LEMD1: variants seen among roughly 807,000 people sequenced by gnomAD.
LEMD1 encodes LEM domain containing 1, also known as LEM domain-containing protein 1.
Under a neutral mutation model 17.4 loss-of-function variants are expected in LEMD1, and 18 were observed. The ratio of observed to expected loss-of-function variants is 1.04; its 90% CI spans 0.72 to 1.54. The LOEUF is 1.54. LEMD1 is among the 40% of genes most tolerant of loss of function. LEMD1 has a pLI of 0.00. For synonymous variants in LEMD1, 88 were observed against 77.8 expected (o/e 1.13, Z -0.69); for missense variants, 195 against 210.4 (o/e 0.93, Z 0.45).
upstream of LEMD1, among the ~76,000 whole-genome samples, chr1:205,423,043 G>A (rs1250208836): frequency 6.6e-6 from 1 of 152,180 alleles, no homozygotes; most frequent in Non-Finnish European, 1.5e-5. Context: ...TTCTACTCAT[G>A]AGCCCTAGCC....
chr1:205,443,630 G>A (rs1666333813), intron 1 of LEMD1, among the ~76,000 whole-genome samples: 1 of 152,104 alleles, frequency 6.6e-6, no homozygotes, highest in Non-Finnish European at 1.5e-5. Flanking sequence ...TCATAAACAG[G>A]GCCTGGTTAT....
At chr1:205,411,771 G>A (rs1665465506) in intron 4 of LEMD1, among the ~76,000 whole-genome samples, 1 of 152,248 alleles carries the variant, frequency 6.6e-6, no homozygotes, top group South Asian at 2.1e-4. Context: ...CCCACAGAAT[G>A]TGCAGGATGG....
At chr1:205,437,008 A>T (rs1666220079) in intron 1 of LEMD1, 1 of 152,514 alleles carries the variant, frequency 6.6e-6, no homozygotes, top group African/African-American at 2.4e-5. Context: ...GTCAGGAGTC[A>T]GTCATGGCAG....
rs560133268 is a variant in LEMD1, at chr1:205,429,610, G to C, written c.-38-9036C>G. On this transcript the variant is annotated intron_variant, in intron 1 of 3. Transcript: ENST00000367154. Reference sequence around the variant, plus strand: ...AAGATGGCCTGTGGAGATAGCCGGGGTTGGGGGAGGAAGAGACCCCCAAAT... The same window carrying C: ...AAGATGGCCTGTGGAGATAGCCGGGCTTGGGGGAGGAAGAGACCCCCAAAT... Among the ~76,000 whole-genome samples, 3 of 152,308 alleles carry C rather than the reference G, an allele frequency of 2.0e-5. No homozygotes were observed. In the East Asian group the frequency reaches 5.8e-4, roughly 29 times the overall value.
intron 1 of LEMD1, among the ~76,000 whole-genome samples, chr1:205,440,159 A>G (rs1204539135): frequency 6.6e-6 from 1 of 152,210 alleles, no homozygotes; most frequent in African/African-American, 2.4e-5. Flanking sequence ...GGCCACGGCA[A>G]GACAGTCCCT....
chr1:205,399,071 C>G (rs529980761), intron 4 of LEMD1, among the ~76,000 whole-genome samples: 1 of 151,826 alleles, frequency 6.6e-6, no homozygotes, highest in African/African-American at 2.4e-5. Context: ...AAAAATTAGC[C>G]GAGTGTGGTG....
At chr1:205,394,640 C>T (rs931551542) in intron 4 of LEMD1, among the ~76,000 whole-genome samples, 16 of 152,122 alleles carry the variant, frequency 1.1e-4, no homozygotes, top group Admixed American at 5.9e-4. Context: ...CCGCCTTGGC[C>T]TCCCAAAGTG....
Position 205,383,970 on chromosome 1 carries a change from T to A in LEMD1, c.347+318A>T, listed in dbSNP as rs567183618. 7.5e-5 allele frequency among the ~76,000 whole-genome samples: 11 copies of A among 147,056 alleles called. No individual in the cohort carries two copies. The East Asian group carries it at 8.1e-4, about 11-fold the overall frequency. The stretch of plus-strand genomic sequence containing the variant: ...TTACATTTTTTTTTTTTTTTTTGCC[T>A]CTTGCCCACCTTCCAAGGCACAAAT... On this transcript the variant is annotated intron_variant, in intron 5 of 5. Coordinates refer to ENST00000367153, the MANE Select transcript of LEMD1 (RefSeq NM_001199050.2).
chr1:205,426,326 T>C (rs545332880), upstream of LEMD1, among the ~76,000 whole-genome samples: 1 of 152,256 alleles, frequency 6.6e-6, no homozygotes, highest in Non-Finnish European at 1.5e-5. Flanking sequence ...TAGATAAACA[T>C]GTAAGATGTA....
intron 4 of LEMD1, among the ~76,000 whole-genome samples, chr1:205,408,328 T>TACAC (rs34904075): frequency 0.29 from 42,779 of 148,690 alleles, 6,095 homozygotes; most frequent in African/African-American, 0.32. Flanking sequence ...AATGGTAGGG[T>TACAC]ACACACACAC....
rs1324059628 is a variant in LEMD1 at position 205,416,263 on chromosome 1, A to G, written c.239T>C (p.Leu80Pro). The change falls in exon 4 of 6, where the codon CTC (leucine) becomes CCC (proline). Residue 80 changes from leucine to proline, a missense_variant. Leu to Pro is a moderately conservative substitution (Grantham distance 98). Transcript: ENST00000367153. ...LNIILQGNII[L>P]STEKSKKLKK... is the part of the protein sequence containing the mutation. Reference sequence around the variant, plus strand: ...GAGTTTCTTGCTTTTTTCTGTTGAGAGTATGATATTTCCTTGCAAAATGAT... The same window carrying G: ...GAGTTTCTTGCTTTTTTCTGTTGAGGGTATGATATTTCCTTGCAAAATGAT... 4 of 1,548,582 alleles carry G rather than the reference A, an allele frequency of 2.6e-6. No individual in the cohort carries two copies. The Admixed American group carries it at 7.9e-5, about 30-fold the overall frequency.
intron 4 of LEMD1, among the ~76,000 whole-genome samples, chr1:205,395,649 A>G (rs1321934857): frequency 6.6e-6 from 1 of 152,064 alleles, no homozygotes; most frequent in Non-Finnish European, 1.5e-5. Flanking sequence ...TAAAAACTAC[A>G]AATATTAGCA....
chr1:205,393,707 G>A (rs1392859435), intron 4 of LEMD1, among the ~76,000 whole-genome samples: 1 of 151,834 alleles, frequency 6.6e-6, no homozygotes, highest in Non-Finnish European at 1.5e-5. Flanking sequence ...GCAAGTGTTA[G>A]CAAGGATGTG....
rs1049497467 is a variant in LEMD1 at position 205,441,193 on chromosome 1, G to C, written c.-39+8675C>G. On this transcript the variant is annotated intron_variant, in intron 1 of 3. Coordinates refer to the LEMD1 transcript ENST00000367154. The surrounding 1 kb of genome is among the most constrained non-coding windows in gnomAD (Gnocchi z 4.3). ...GCCACTCCCTGAGGCGGCCCGCTAG[G>C]TCTCTCACACCGGCTGGGGGAGGAG... is the stretch of plus-strand genomic sequence containing the variant. The C allele has an allele frequency of 6.6e-6, 1 of 152,242 alleles. No individual in the cohort carries two copies. The highest frequency in any genetic ancestry group is 1.5e-5 in the Non-Finnish European group (1 of 68,148). 9.4% of individuals were successfully genotyped at this position (152,242 alleles called of 1,614,324 possible). A position where few individuals can be genotyped will look rare whatever the true frequency, so the allele number is the denominator to read the frequency against.
chr1:205,438,585 G>C (rs1666244979), intron 1 of LEMD1, among the ~76,000 whole-genome samples: 1 of 152,230 alleles, frequency 6.6e-6, no homozygotes, highest in Non-Finnish European at 1.5e-5. Context: ...AGGAAACTGA[G>C]GGACAATAGA....
At chr1:205,414,674 T>C (rs530521083) in intron 4 of LEMD1, among the ~76,000 whole-genome samples, 2 of 152,236 alleles carry the variant, frequency 1.3e-5, no homozygotes, top group South Asian at 4.2e-4. Context: ...TCCTTCCACC[T>C]TGGCCTCCTA....
At chr1:205,387,920 C>A (rs1162451906) in intron 4 of LEMD1, among the ~76,000 whole-genome samples, 1 of 152,256 alleles carries the variant, frequency 6.6e-6, no homozygotes, top group Non-Finnish European at 1.5e-5. Context: ...CCATTCTAAG[C>A]ATTTTACATC....
At chr1:205,381,885 T>C (rs745656736) in intron 5 of LEMD1, 29 bp from the exon 6 acceptor site, 128 of 1,609,832 alleles carry the variant, frequency 8.0e-5, no homozygotes, top group Non-Finnish European at 1.1e-4. Flanking sequence ...CTCTTAGGAT[T>C]GTGGACAGCT....
chr1:205,391,435 A>C (rs34082731), intron 4 of LEMD1, among the ~76,000 whole-genome samples: 219 of 151,804 alleles, frequency 1.4e-3, no homozygotes, highest in Non-Finnish European at 2.3e-3. Context: ...CAAGGGATGC[A>C]GGTGAAAAAA....
Sources: allele counts gnomAD v4.1 joint callset (sites outside exome capture counted in the v4.1 genomes callset), GRCh38; gene constraint gnomAD v4.1.1; non-coding constraint Gnocchi (gnomAD v3.1); transcripts MANE v1.5; gene names NCBI Gene and HGNC (gene_info 2026-07-23, HGNC 2026-07-21).